BTBD9: variants seen among roughly 807,000 people sequenced by gnomAD.
BTBD9 encodes the protein BTB/POZ domain-containing protein 9.
A neutral mutation model predicts 64.3 loss-of-function variants in BTBD9; 49 were observed. The observed-to-expected ratio is 0.76, with a 90% confidence interval of 0.61 to 0.97. The LOEUF (loss-of-function observed/expected upper bound fraction) is 0.97, where lower values mean the gene tolerates loss of function less well. BTBD9 is among the 50% of genes least tolerant of loss of function. BTBD9 has a pLI of 0.00. For missense variants in BTBD9, 598 were observed against 762.1 expected, an observed-to-expected ratio of 0.78 and a Z score of 2.53; for synonymous variants, 260 against 274.7, an observed-to-expected ratio of 0.95 and a Z score of 0.53.
intron 10 of BTBD9, among the ~76,000 whole-genome samples, chr6:38,177,377 C>T (rs1429111222): frequency 6.6e-6 from 1 of 152,182 alleles, no homozygotes; most frequent in Non-Finnish European, 1.5e-5. Flanking sequence ...GGGTGCCTCC[C>T]GCTCCGTGGC....
intron 8 of BTBD9, among the ~76,000 whole-genome samples, chr6:38,266,884 AAT>A (rs1765027096): frequency 6.6e-6 from 1 of 152,236 alleles, no homozygotes; most frequent in African/African-American, 2.4e-5. Flanking sequence ...GTGAAGTCAC[AAT>A]ATGTTACAGA....
At chr6:38,199,602 AG>A (rs1281610293) in intron 9 of BTBD9, among the ~76,000 whole-genome samples, 1 of 152,214 alleles carries the variant, frequency 6.6e-6, no homozygotes, top group Non-Finnish European at 1.5e-5. Flanking sequence ...GTAGACTTGG[AG>A]GAACACATTG....
chr6:38,420,757 G>T (rs143574754), intron 6 of BTBD9, among the ~76,000 whole-genome samples: 19 of 152,194 alleles, frequency 1.2e-4, no homozygotes, highest in African/African-American at 4.6e-4. Flanking sequence ...TCAGGAGGCC[G>T]AGGCAGGAGA....
chr6:38,242,158 C>T (rs975924723), intron 9 of BTBD9, among the ~76,000 whole-genome samples: 1 of 151,996 alleles, frequency 6.6e-6, no homozygotes, highest in African/African-American at 2.4e-5. Flanking sequence ...TGACTTGTAC[C>T]TTTATGTGAT....
intron 7 of BTBD9, among the ~76,000 whole-genome samples, chr6:38,291,350 C>G (rs1403038400): frequency 1.3e-5 from 2 of 152,164 alleles, no homozygotes; most frequent in East Asian, 3.8e-4. Flanking sequence ...ATTTTGTAAC[C>G]TGAGACTTTG....
chr6:38,603,209 C>T (rs768148363), intron 1 of BTBD9, among the ~76,000 whole-genome samples: 7 of 152,254 alleles, frequency 4.6e-5, no homozygotes, highest in Middle Eastern at 3.4e-3. Context: ...GTACCTTTCA[C>T]GGTACCATAC....
intron 6 of BTBD9, among the ~76,000 whole-genome samples, chr6:38,380,867 T>G (rs950000009): frequency 4.0e-5 from 6 of 151,782 alleles, no homozygotes; most frequent in Non-Finnish European, 8.8e-5. Context: ...GGAAAAAGGG[T>G]AAAGAAATGG....
intron 6 of BTBD9, among the ~76,000 whole-genome samples, chr6:38,464,324 G>T (rs530106412): frequency 6.6e-6 from 1 of 151,366 alleles, no homozygotes; most frequent in Non-Finnish European, 1.5e-5. Context: ...TAATAGTTTT[G>T]TTAATTTACT....
intron 6 of BTBD9, among the ~76,000 whole-genome samples, chr6:38,476,353 T>A (rs954871675): frequency 6.6e-6 from 1 of 152,196 alleles, no homozygotes; most frequent in Admixed American, 6.5e-5. Flanking sequence ...GTGCATAACA[T>A]GTGCTTATGA....
chr6:38,180,478 G>A (rs566707280), intron 10 of BTBD9, among the ~76,000 whole-genome samples: 80 of 152,260 alleles, frequency 5.3e-4, no homozygotes, highest in African/African-American at 1.8e-3. Context: ...CCTTCCCACC[G>A]TAACCCCAAG....
Position 38,535,914 on chromosome 6 carries a change from C to T in BTBD9, c.1154+41686G>A, listed in dbSNP as rs76759807. ...CTACTAAAACAAAACACTGAGGAAA[C>T]CCTCCAGGACATGGAGGGAGCAGAG... On this transcript the variant is annotated intron_variant, in intron 6 of 10. Coordinates refer to ENST00000481247, the MANE Select transcript of BTBD9 (RefSeq NM_001099272.2). Among the ~76,000 whole-genome samples the T allele has an allele frequency of 2.3e-3, 355 of 152,194 alleles. 1 individual carries two copies. The Middle Eastern group carries it at 0.024, about 10-fold the overall frequency.
intron 8 of BTBD9, among the ~76,000 whole-genome samples, chr6:38,274,924 C>G (rs2127546498): frequency 6.6e-6 from 1 of 152,190 alleles, no homozygotes; most frequent in African/African-American, 2.4e-5. Context: ...CCCTCTTTTT[C>G]TATTGATTTA....
chr6:38,532,864 T>C (rs1289256828), intron 6 of BTBD9, among the ~76,000 whole-genome samples: 1 of 151,486 alleles, frequency 6.6e-6, no homozygotes, highest in African/African-American at 2.4e-5. Flanking sequence ...CTCCTTCTGC[T>C]TGAGAAAAGT....
chr6:38,638,296 GA>G (rs964527578), intron 1 of BTBD9, among the ~76,000 whole-genome samples: 20 of 151,530 alleles, frequency 1.3e-4, no homozygotes, highest in African/African-American at 4.9e-4. Flanking sequence ...CTCTCAAAGG[GA>G]AAAAAAAGAC....
intron 9 of BTBD9, among the ~76,000 whole-genome samples, chr6:38,223,325 G>A (rs1449730523): frequency 6.6e-6 from 1 of 152,098 alleles, no homozygotes; most frequent in Non-Finnish European, 1.5e-5. Flanking sequence ...TCCTGTGCAG[G>A]AATTCTGAAG....
At chr6:38,536,376 G>A in intron 6 of BTBD9, among the ~76,000 whole-genome samples, 1 of 152,140 alleles carries the variant, frequency 6.6e-6, no homozygotes, top group African/African-American at 2.4e-5. Flanking sequence ...CACTGCTGGT[G>A]GAAATGTACA....
At chr6:38,600,767 A>G (rs1006916804) in intron 1 of BTBD9, among the ~76,000 whole-genome samples, 1 of 152,156 alleles carries the variant, frequency 6.6e-6, no homozygotes, top group African/African-American at 2.4e-5. Flanking sequence ...CAGAAGGGAA[A>G]TTTATTTCTT....
chr6:38,266,616 AAGAAAGAAAGAAAGAAAG>A (rs1319609494), intron 8 of BTBD9, among the ~76,000 whole-genome samples: 1 of 19,778 alleles, frequency 5.1e-5, no homozygotes, highest in Non-Finnish European at 1.1e-4. Flanking sequence ...GAAAGAAAGA[AAGAAAGAAAGAAAGAAAG>A]AAAGAAAGAA....
intron 6 of BTBD9, among the ~76,000 whole-genome samples, chr6:38,378,777 G>A (rs941358233): frequency 4.6e-5 from 7 of 151,140 alleles, no homozygotes; most frequent in Admixed American, 3.3e-4. Flanking sequence ...GGGAGGCTGA[G>A]GCAGAAGAAT....
Sources: gnomAD v4.1 joint callset for allele counts (sites outside exome capture counted in the v4.1 genomes callset) on GRCh38, gnomAD v4.1.1 for gene constraint, MANE v1.5 for transcripts, NCBI Gene and HGNC (gene_info 2026-07-23, HGNC 2026-07-21) for gene names.